The following SLC2A5 variants were observed in gnomAD, a reference collection of about 807,000 sequenced individuals.
SLC2A5 encodes solute carrier family 2, facilitated glucose transporter member 5.
SLC2A5 carries 56 observed loss-of-function variants against 50.3 expected under a neutral mutation model. That is an observed-to-expected ratio of 1.11 (90% CI 0.90 to 1.39). The LOEUF (loss-of-function observed/expected upper bound fraction) is 1.39, where lower values mean the gene tolerates loss of function less well. Ranked by LOEUF, SLC2A5 falls within the 40% of genes most tolerant of loss-of-function variation. SLC2A5 has a pLI of 0.00. For synonymous variants in SLC2A5, 269 were observed against 281.9 expected, an observed-to-expected ratio of 0.95 and a Z score of 0.46; for missense variants, 566 against 650.1, an observed-to-expected ratio of 0.87 and a Z score of 1.41.
chr1:9,073,238 A>G (rs969766027), upstream of SLC2A5: 2 of 152,244 alleles, frequency 1.3e-5, no homozygotes, highest in African/African-American at 4.8e-5. Context: ...CTCCCCATCC[A>G]TAAATCCATT....
At chr1:9,048,780 C>T (rs919521173) in intron 3 of SLC2A5, among the ~76,000 whole-genome samples, 1 of 151,916 alleles carries the variant, frequency 6.6e-6, no homozygotes, top group Non-Finnish European at 1.5e-5. Context: ...CTCAGCCTTC[C>T]AAGTAGCTAG....
upstream of SLC2A5, among the ~76,000 whole-genome samples, chr1:9,071,327 T>C (rs765864447): frequency 4.6e-5 from 7 of 152,184 alleles, no homozygotes; most frequent in Non-Finnish European, 1.0e-4. Context: ...GGAGAATAGC[T>C]GGAACCCGGG....
In SLC2A5 at chr1:9,037,633, C is replaced by T. The variant is rs767569098; in HGVS notation, c.1459G>A (p.Glu487Lys). The T allele has an allele frequency of 2.2e-5, 35 of 1,614,048 alleles. 1 individual carries two copies. In the South Asian group the frequency reaches 3.1e-4, roughly 14 times the overall value. Residue 487 changes from glutamate (E) to lysine (K), a missense_variant, in exon 12 of 12, where the codon GAA (glutamate) becomes AAA (lysine). Coordinates refer to ENST00000377424, the MANE Select transcript of SLC2A5 (RefSeq NM_003039.3). ...KMNKVSEVYPEKEELKELPPV... is the reference protein window; with the variant it reads ...KMNKVSEVYPKKEELKELPPV... ...GGAAGCTCTTTCAGTTCCTCCTTTT[C>T]CGGGTACACTTCAGACACCTTATTC...
At chr1:9,057,752 A>G in intron 2 of SLC2A5, 144 bp from the exon 3 acceptor site, 1 of 703,296 alleles carries the variant, frequency 1.4e-6, no homozygotes, top group Non-Finnish European at 2.3e-6. Flanking sequence ...GGCAGGACAG[A>G]GCTTCAGGAG....
chr1:9,056,516 A>C (rs1641755727), intron 3 of SLC2A5, among the ~76,000 whole-genome samples: 1 of 151,892 alleles, frequency 6.6e-6, no homozygotes, highest in Admixed American at 6.6e-5. Flanking sequence ...CTTTTCTTGA[A>C]ATACTGGAGG....
chr1:9,055,054 G>T (rs1040800965), intron 3 of SLC2A5, among the ~76,000 whole-genome samples: 6 of 152,128 alleles, frequency 3.9e-5, no homozygotes, highest in African/African-American at 1.4e-4. Context: ...AAAAAATAAA[G>T]CAACAGATTG....
upstream of SLC2A5, among the ~76,000 whole-genome samples, chr1:9,089,469 C>T (rs1415120267): frequency 6.6e-6 from 1 of 152,176 alleles, no homozygotes; most frequent in Non-Finnish European, 1.5e-5. Context: ...CCCCAGACAT[C>T]TCAGTGGGAT....
chr1:9,049,666 G>A (rs574455770), intron 3 of SLC2A5, among the ~76,000 whole-genome samples: 1 of 149,118 alleles, frequency 6.7e-6, no homozygotes, highest in East Asian at 2.0e-4. Flanking sequence ...TGGCCCCACT[G>A]CACCAGCCTG....
chr1:9,053,354 T>C (rs1342449126), intron 3 of SLC2A5, among the ~76,000 whole-genome samples: 1 of 81,400 alleles, frequency 1.2e-5, no homozygotes, highest in Non-Finnish European at 2.2e-5. Flanking sequence ...TATATATTTA[T>C]ATATATTATA....
chr1:9,090,539 G>A (rs1385969968), upstream of SLC2A5, among the ~76,000 whole-genome samples: 5 of 152,140 alleles, frequency 3.3e-5, no homozygotes, highest in Non-Finnish European at 7.4e-5. Flanking sequence ...ATCAGGATTT[G>A]CGACAAATCA....
intron 2 of SLC2A5, among the ~76,000 whole-genome samples, chr1:9,080,762 A>G (rs1642342497): frequency 1.3e-5 from 2 of 152,266 alleles, no homozygotes; most frequent in African/African-American, 4.8e-5. Context: ...GTGAAAACAA[A>G]TAATTCAAAA....
At chr1:9,064,142 TA>T (rs1345697295) in intron 1 of SLC2A5, among the ~76,000 whole-genome samples, 1 of 152,084 alleles carries the variant, frequency 6.6e-6, no homozygotes, top group Non-Finnish European at 1.5e-5. Context: ...CTGTGTACTT[TA>T]GAGGGGTGAA....
rs70985579 is a variant in SLC2A5 at position 9,063,681 on chromosome 1, CTTTTTTTTTTTTTTT to C, written c.34-5446_34-5432del. 5.3e-4 allele frequency among the ~76,000 whole-genome samples: 24 copies of C among 45,170 alleles called. 1 individual carries two copies. Among genetic ancestry groups the C allele is most frequent in the African/African-American group, 2.6e-3 (24 of 9,098 alleles). The allele number at this position is 45,170 out of a possible 152,430, so 29.6% of individuals were successfully genotyped here. A position where few individuals can be genotyped will look rare whatever the true frequency, so the allele number is the denominator to read the frequency against. The stretch of plus-strand genomic sequence containing the variant: ...AGCCAACACATCAGGCTATTATTTA[CTTTTTTTTTTTTTTT>C]TTTTTTTTTTTTTTTTGAGACGGAG... On this transcript the variant is annotated intron_variant, in intron 1 of 11. Transcript: ENST00000377424.
chr1:9,070,183 C>T (rs887071403), upstream of SLC2A5, among the ~76,000 whole-genome samples: 1 of 145,160 alleles, frequency 6.9e-6, no homozygotes, highest in African/African-American at 2.6e-5. Flanking sequence ...CGAGTTCAAG[C>T]GATTCTCCTG....
chr1:9,047,105 T>C (rs1275452001), intron 4 of SLC2A5, among the ~76,000 whole-genome samples: 1 of 152,180 alleles, frequency 6.6e-6, no homozygotes, highest in Admixed American at 6.6e-5. Context: ...TTCTTTTCTT[T>C]ATAAATTACC....
Position 9,038,633 on chromosome 1 carries a change from G to A in SLC2A5, c.1099-127C>T, listed in dbSNP as rs972089899. The A allele has an allele frequency of 6.5e-6, 8 of 1,229,312 alleles. No individual in the cohort carries two copies. In the Admixed American group the frequency reaches 1.3e-4, roughly 20 times the overall value. The allele number at this position is 1,229,312 out of a possible 1,614,324, so 76.2% of individuals were successfully genotyped here. On this transcript the variant is annotated intron_variant, in intron 9 of 11. Coordinates refer to ENST00000377424, the MANE Select transcript of SLC2A5 (RefSeq NM_003039.3). ...CCTCCCCCAGCAGTGCCACCTCGAT[G>A]AGCCACTGGGAAATCAGCTGAACGT...
At chr1:9,038,386 A>G (rs1281693525) in intron 10 of SLC2A5, 45 bp downstream of exon 10, 1 of 1,421,442 alleles carries the variant, frequency 7.0e-7, no homozygotes, top group African/African-American at 1.4e-5. Context: ...AGCTTCTGGG[A>G]CCAGGGGGGG....
intron 2 of SLC2A5, among the ~76,000 whole-genome samples, chr1:9,077,586 CA>C (rs111499647): frequency 0.21 from 29,240 of 139,782 alleles, 3,282 homozygotes; most frequent in African/African-American, 0.31. Context: ...ACTAAAAATA[CA>C]AAAAAAAAAA....
At chr1:9,067,958 G>A (rs1176139336) in intron 1 of SLC2A5, among the ~76,000 whole-genome samples, 4 of 152,086 alleles carry the variant, frequency 2.6e-5, no homozygotes, top group Admixed American at 2.0e-4. Context: ...GGGAGGCCGA[G>A]GCGGGCGGAT....
Sources: allele counts gnomAD v4.1 joint callset (sites outside exome capture counted in the v4.1 genomes callset), GRCh38; gene constraint gnomAD v4.1.1; transcripts MANE v1.5; gene names NCBI Gene and HGNC (gene_info 2026-07-23, HGNC 2026-07-21).